The following SLC14A2 variants were observed in gnomAD, a reference collection of about 807,000 sequenced individuals.
The protein encoded by SLC14A2 is solute carrier family 14 member 2, also known as urea transporter 2.
SLC14A2 carries 91 observed loss-of-function variants against 104.6 expected under a neutral mutation model. The ratio of observed to expected loss-of-function variants is 0.87; its 90% CI spans 0.73 to 1.04. The LOEUF is 1.04. SLC14A2 is among the 50% of genes least tolerant of loss of function. The pLI is 0.00. For missense variants in SLC14A2, 1,189 were observed against 1,156.0 expected (o/e 1.03, Z -0.41); for synonymous variants, 476 against 466.4 (o/e 1.02, Z -0.27).
At chr18:45,187,416 G>A in the SLC14A2 span, among the ~76,000 whole-genome samples, 2 of 152,130 alleles carry the variant, frequency 1.3e-5, no homozygotes, top group South Asian at 4.1e-4. Context: ...AACAGAATAG[G>A]ACTCCCAATT....
intron 2 of SLC14A2, among the ~76,000 whole-genome samples, chr18:45,517,640 C>T (rs529083203): frequency 3.9e-5 from 6 of 152,314 alleles, no homozygotes; most frequent in East Asian, 1.9e-4. Context: ...CAGTCTCACC[C>T]GGCGGTGAAG....
intron 2 of SLC14A2, among the ~76,000 whole-genome samples, chr18:45,534,647 C>G (rs575482083): frequency 6.6e-6 from 1 of 152,128 alleles, no homozygotes; most frequent in Non-Finnish European, 1.5e-5. Flanking sequence ...GATGCTCACT[C>G]AAGGTCAAGC....
At chr18:45,494,396 C>T (rs567514973) in intron 2 of SLC14A2, among the ~76,000 whole-genome samples, 59 of 152,196 alleles carry the variant, frequency 3.9e-4, no homozygotes, top group African/African-American at 1.4e-3. Flanking sequence ...GTGATCAAGC[C>T]AAAACTTGGT....
upstream of SLC14A2, among the ~76,000 whole-genome samples, chr18:45,209,943 T>C (rs1300878445): frequency 6.6e-6 from 1 of 152,210 alleles, no homozygotes; most frequent in Non-Finnish European, 1.5e-5. Flanking sequence ...TTTACAACTT[T>C]ATGCATACCA....
rs574054870 is a variant in SLC14A2, at chr18:45,422,727, T to C, written c.-124-60506T>C. On this transcript the variant is annotated intron_variant, in intron 1 of 20. Transcript: ENST00000586448. ...CTGCTCCATCAATGGAGCCAGAACT[T>C]TTCATGGCCCAGAAAAGGCAGTTAG... Among the ~76,000 whole-genome samples, 22 of 152,218 alleles carry C rather than the reference T, an allele frequency of 1.4e-4. No individual in the cohort carries two copies. In the East Asian group the frequency reaches 4.3e-3, roughly 29 times the overall value.
At position 45,643,173 on chromosome 18, in the gene SLC14A2, A is replaced by G. The variant is rs748137041; in HGVS notation, c.1168A>G (p.Met390Val). Residue 390 changes from methionine to valine, a missense_variant, in exon 9 of 20, where the codon ATG becomes GTG. Coordinates refer to ENST00000255226, the MANE Select transcript of SLC14A2 (RefSeq NM_007163.4). The part of the protein sequence containing the change: ...AYMEAAISNI[M>V]SVVGVPPGTW... The stretch of plus-strand genomic sequence containing the variant: ...CATGGAAGCAGCCATCTCCAACATC[A>G]TGTCAGTGGTAAGTGTGGATTCTCC... 6.2e-7 allele frequency: 1 copy of G among 1,613,938 alleles called. No homozygotes were observed. The highest frequency in any genetic ancestry group is 1.3e-5 in the African/African-American group (1 of 75,022).
intron 1 of SLC14A2, among the ~76,000 whole-genome samples, chr18:45,300,017 C>T (rs972975484): frequency 2.0e-5 from 3 of 152,086 alleles, no homozygotes; most frequent in African/African-American, 7.2e-5. Flanking sequence ...TCTTGGGCAG[C>T]AAGAGAAGGA....
intron 1 of SLC14A2, among the ~76,000 whole-genome samples, chr18:45,295,541 T>C (rs2084910781): frequency 6.6e-6 from 1 of 152,164 alleles, no homozygotes; most frequent in African/African-American, 2.4e-5. Context: ...AACATTTTCC[T>C]AGATGTGTTT....
intron 2 of SLC14A2, among the ~76,000 whole-genome samples, chr18:45,542,731 G>A (rs2043909290): frequency 6.6e-6 from 1 of 152,148 alleles, no homozygotes; most frequent in Admixed American, 6.5e-5. Context: ...GAAACTGGGA[G>A]AGTCTATAGC....
intron 1 of SLC14A2, among the ~76,000 whole-genome samples, chr18:45,403,339 C>T (rs1714515899): frequency 6.6e-6 from 1 of 152,170 alleles, no homozygotes; most frequent in African/African-American, 2.4e-5. Flanking sequence ...GGCTTCAATA[C>T]AGGAATTTTA....
Position 45,545,407 on chromosome 18 carries a change from C to T in SLC14A2, c.-35+62085C>T, listed in dbSNP as rs537510874. On this transcript the variant is annotated intron_variant, in intron 2 of 20. Transcript: ENST00000586448. ...AGGGTCCGTTGCTATTTATCATGCT[C>T]TTGGGCTGATTTTCTTTTGCTACAG... Among the ~76,000 whole-genome samples the T allele has an allele frequency of 2.6e-5, 4 of 152,276 alleles. No homozygotes were observed. The South Asian group carries it at 8.3e-4, about 32-fold the overall frequency.
intron 2 of SLC14A2, among the ~76,000 whole-genome samples, chr18:45,563,206 C>G (rs1213713825): frequency 6.6e-6 from 1 of 152,138 alleles, no homozygotes; most frequent in Non-Finnish European, 1.5e-5. Flanking sequence ...TCTGCCAGAC[C>G]TGCATCCCCC....
intron 1 of SLC14A2, among the ~76,000 whole-genome samples, chr18:45,345,073 A>G (rs936300440): frequency 6.6e-6 from 1 of 152,092 alleles, no homozygotes; most frequent in Middle Eastern, 3.2e-3. Flanking sequence ...ATGGAGTTTC[A>G]CCATGTTCTG....
In SLC14A2 at chr18:45,368,586, T is replaced by A. The variant is rs534019826; in HGVS notation, c.-124-114647T>A. Among the ~76,000 whole-genome samples, 6 of 152,352 alleles carry A rather than the reference T, an allele frequency of 3.9e-5. No homozygotes were observed. In the South Asian group the frequency reaches 1.0e-3, roughly 26 times the overall value. ...TTAAGCATTTGGGAAGTCAGATTTA[T>A]CATCTCTGTTTAACAATCCATGAAA... On this transcript the variant is annotated intron_variant, in intron 1 of 20. Coordinates refer to the SLC14A2 transcript ENST00000586448.
At chr18:45,531,479 T>C (rs2043686292) in intron 2 of SLC14A2, among the ~76,000 whole-genome samples, 1 of 152,270 alleles carries the variant, frequency 6.6e-6, no homozygotes, top group African/African-American at 2.4e-5. Context: ...CATGTGTTTT[T>C]TGGCTGCATA....
chr18:45,461,020 T>C (rs1396191588), intron 1 of SLC14A2, among the ~76,000 whole-genome samples: 1 of 152,146 alleles, frequency 6.6e-6, no homozygotes, highest in Non-Finnish European at 1.5e-5. Context: ...AGATCTCAGC[T>C]CCCACTCCCT....
At chr18:45,596,270 G>A (rs772580629) in intron 2 of SLC14A2, among the ~76,000 whole-genome samples, 6 of 152,164 alleles carry the variant, frequency 3.9e-5, no homozygotes, top group Admixed American at 6.5e-5. Flanking sequence ...AATTGGCACG[G>A]CTACCTAGAA....
intron 1 of SLC14A2, among the ~76,000 whole-genome samples, chr18:45,268,976 G>A (rs116076915): frequency 6.6e-6 from 1 of 151,596 alleles, no homozygotes; most frequent in African/African-American, 2.4e-5. Context: ...GTGTGTGTGT[G>A]TGTGTGTGTG....
At chr18:45,393,639 G>A (rs2085996362) in intron 1 of SLC14A2, among the ~76,000 whole-genome samples, 1 of 152,192 alleles carries the variant, frequency 6.6e-6, no homozygotes, top group Non-Finnish European at 1.5e-5. Context: ...CAAGCACTAG[G>A]AGTGGACCCA....
Sources: gnomAD v4.1 joint callset for allele counts (sites outside exome capture counted in the v4.1 genomes callset) on GRCh38, gnomAD v4.1.1 for gene constraint, MANE v1.5 for transcripts, NCBI Gene and HGNC (gene_info 2026-07-23, HGNC 2026-07-21) for gene names.